GALNT14: variants seen among roughly 807,000 people sequenced by gnomAD.
GALNT14 encodes polypeptide N-acetylgalactosaminyltransferase 14, also known as UDP-GalNAc:polypeptide N-acetylgalactosaminyltransferase 14.
A neutral mutation model predicts 77.5 loss-of-function variants in GALNT14; 60 were observed. That is an observed-to-expected ratio of 0.77 (90% confidence interval 0.63 to 0.96). The LOEUF is 0.96. Among genes scored for constraint, GALNT14 ranks in the 40% least tolerant of loss-of-function variants. The pLI is 0.00. For missense variants in GALNT14, 710 were observed against 731.0 expected (o/e 0.97, Z 0.33); for synonymous variants, 280 against 281.7 (o/e 0.99, Z 0.06).
intron 1 of GALNT14, among the ~76,000 whole-genome samples, chr2:31,136,681 A>G (rs967056218): frequency 6.6e-6 from 1 of 152,218 alleles, no homozygotes; most frequent in Admixed American, 6.5e-5. Context: ...ACTTGGTTAA[A>G]AAGGGGAAAC....
intron 3 of GALNT14, among the ~76,000 whole-genome samples, chr2:30,964,291 CT>C (rs904366019): frequency 4.6e-5 from 7 of 152,314 alleles, no homozygotes; most frequent in African/African-American, 4.8e-5. Flanking sequence ...TGAACCCCCC[CT>C]GGTGCCCCAG....
chr2:31,057,642 A>G (rs917305749), intron 1 of GALNT14, among the ~76,000 whole-genome samples: 9 of 151,988 alleles, frequency 5.9e-5, no homozygotes, highest in Non-Finnish European at 1.3e-4. Flanking sequence ...CCATGTGGCA[A>G]CTACACTCTA....
intron 9 of GALNT14, among the ~76,000 whole-genome samples, chr2:30,938,337 T>C (rs918230484): frequency 1.3e-5 from 2 of 149,674 alleles, no homozygotes; most frequent in East Asian, 4.0e-4. Flanking sequence ...ACAGACTTTA[T>C]ACTAGGGCAA....
At position 31,104,026 on chromosome 2, in the gene GALNT14, T is replaced by G. The variant is rs182145834; in HGVS notation, c.129+33932A>C. On this transcript the variant is annotated intron_variant, in intron 1 of 14. Transcript: ENST00000349752. ...ATGGATATAAATCGTTGGCTCACAC[T>G]TTCTTTCTTTGCTTATCTTGTAGAT... 1.9e-3 allele frequency among the ~76,000 whole-genome samples: 294 copies of G among 152,266 alleles called. 3 individuals carry two copies. The South Asian group carries it at 0.03, about 16-fold the overall frequency.
rs571571800 is a variant in GALNT14 at position 31,116,204 on chromosome 2, G to A, written c.129+21754C>T. 1.1e-4 allele frequency among the ~76,000 whole-genome samples: 17 copies of A among 152,174 alleles called. No individual in the cohort carries two copies. In the South Asian group the frequency reaches 1.5e-3, roughly 13 times the overall value. ...GATGTCCAAATTAAAAAGGGAAAGA[G>A]AAATTGAAGTAGTAATTGGCCAAAC... is the stretch of plus-strand genomic sequence containing the variant. On this transcript the variant is annotated intron_variant, in intron 1 of 14. Transcript: ENST00000349752.
the GALNT14 span, among the ~76,000 whole-genome samples, chr2:30,904,950 C>G: frequency 5.3e-3 from 807 of 152,082 alleles, 9 homozygotes; most frequent in African/African-American, 0.018. Flanking sequence ...AGCAGGGGCA[C>G]ACTGACACCT....
At chr2:31,026,910 C>T (rs1332438290) in intron 1 of GALNT14, among the ~76,000 whole-genome samples, 1 of 142,232 alleles carries the variant, frequency 7.0e-6, no homozygotes, top group Non-Finnish European at 1.6e-5. Context: ...TATACTGCAG[C>T]CAGTACACTA....
At chr2:31,067,586 T>C (rs1248456181) in intron 1 of GALNT14, among the ~76,000 whole-genome samples, 3 of 152,188 alleles carry the variant, frequency 2.0e-5, no homozygotes, top group Non-Finnish European at 4.4e-5. Context: ...GGTAGCTCCA[T>C]GACTGAGGTG....
At chr2:31,086,785 A>G (rs1676451252) in intron 1 of GALNT14, among the ~76,000 whole-genome samples, 1 of 152,144 alleles carries the variant, frequency 6.6e-6, no homozygotes, top group Non-Finnish European at 1.5e-5. Context: ...ACCCAGGGTA[A>G]TAATTCCACC....
At chr2:30,935,469 C>A (rs1473075704) in intron 9 of GALNT14, among the ~76,000 whole-genome samples, 1 of 152,190 alleles carries the variant, frequency 6.6e-6, no homozygotes, top group Admixed American at 6.5e-5. Context: ...CTGCTGCCGC[C>A]CAGAGGAACC....
At chr2:30,967,056 T>C (rs1322524972) in intron 2 of GALNT14, among the ~76,000 whole-genome samples, 1 of 152,204 alleles carries the variant, frequency 6.6e-6, no homozygotes, top group Non-Finnish European at 1.5e-5. Context: ...CTCCTGTTTC[T>C]TGCTATTTCG....
intron 10 of GALNT14, 132 bp downstream of exon 10, chr2:30,931,936 G>A: frequency 1.1e-5 from 10 of 888,642 alleles, no homozygotes; most frequent in East Asian, 3.3e-5. Flanking sequence ...AGTACGAGGT[G>A]CAGCCCCGGC....
At chr2:30,983,473 C>A (rs189248124) in intron 2 of GALNT14, among the ~76,000 whole-genome samples, 12 of 152,302 alleles carry the variant, frequency 7.9e-5, no homozygotes, top group Admixed American at 5.9e-4. Context: ...CTTTCCCCTG[C>A]CTCATTCCCC....
intron 1 of GALNT14, among the ~76,000 whole-genome samples, chr2:31,080,642 G>T (rs1451985470): frequency 6.6e-6 from 1 of 152,184 alleles, no homozygotes; most frequent in Admixed American, 6.5e-5. Context: ...CCCCTGTTCT[G>T]GGAGTCTCAG....
At chr2:30,975,180 G>A (rs1668563636) in intron 2 of GALNT14, among the ~76,000 whole-genome samples, 1 of 152,234 alleles carries the variant, frequency 6.6e-6, no homozygotes, top group African/African-American at 2.4e-5. Flanking sequence ...GGTGTCCGTG[G>A]AGAGGTCTTA....
chr2:30,971,729 A>C (rs890611402), intron 2 of GALNT14, among the ~76,000 whole-genome samples: 1 of 151,968 alleles, frequency 6.6e-6, no homozygotes, highest in Non-Finnish European at 1.5e-5. Flanking sequence ...CTGCACAGTC[A>C]CTGCCTCCTG....
At chr2:30,966,412 C>T (rs1334348660) in intron 2 of GALNT14, 110 bp from the exon 3 acceptor site, 3 of 728,828 alleles carry the variant, frequency 4.1e-6, no homozygotes, top group Non-Finnish European at 7.2e-6. Flanking sequence ...TGCTTGATAT[C>T]TAGAAGGGCT....
intron 1 of GALNT14, among the ~76,000 whole-genome samples, chr2:31,010,362 G>T (rs1240914714): frequency 6.6e-6 from 1 of 152,226 alleles, no homozygotes; most frequent in African/African-American, 2.4e-5. Flanking sequence ...CACTTTGGGA[G>T]GCCAAGGCGG....
chr2:31,100,880 C>T (rs1431293124), intron 1 of GALNT14, among the ~76,000 whole-genome samples: 1 of 151,936 alleles, frequency 6.6e-6, no homozygotes, highest in Non-Finnish European at 1.5e-5. Flanking sequence ...CTTACATTAG[C>T]GTATGATTAG....
Sources: allele counts gnomAD v4.1 joint callset (sites outside exome capture counted in the v4.1 genomes callset), GRCh38; gene constraint gnomAD v4.1.1; transcripts MANE v1.5; gene names NCBI Gene and HGNC (gene_info 2026-07-23, HGNC 2026-07-21).